Variants in BDP1 observed in about 807,000 individuals in gnomAD.
The protein encoded by BDP1 is transcription factor TFIIIB component B'' homolog.
A neutral mutation model predicts 266.6 loss-of-function variants in BDP1; 169 were observed. The observed-to-expected ratio is 0.63, with a 90% confidence interval of 0.56 to 0.72. BDP1 has a LOEUF of 0.72. Ranked by LOEUF, BDP1 falls within the 30% of genes least tolerant of loss-of-function variation. BDP1 has a pLI of 0.00. For missense variants in BDP1, 3,015 were observed against 3,053.8 expected, an observed-to-expected ratio of 0.99 and a Z score of 0.30; for synonymous variants, 1,090 against 1,022.4, an observed-to-expected ratio of 1.07 and a Z score of -1.26.
chr5:71,534,287 T>C (rs139393195), intron 26 of BDP1, among the ~76,000 whole-genome samples: 16 of 152,334 alleles, frequency 1.1e-4, no homozygotes, highest in African/African-American at 3.6e-4. Flanking sequence ...ATCCAACTTA[T>C]GTCTTTTGCA....
the BDP1 span, among the ~76,000 whole-genome samples, chr5:71,575,106 A>G: frequency 6.6e-6 from 1 of 152,210 alleles, no homozygotes; most frequent in African/African-American, 2.4e-5. Flanking sequence ...ACAGCTATCA[A>G]TTTATGGGGT....
intron 2 of BDP1, among the ~76,000 whole-genome samples, chr5:71,459,639 A>G (rs537522973): frequency 6.6e-6 from 1 of 152,226 alleles, no homozygotes; most frequent in South Asian, 2.1e-4. Context: ...AATCTTGAGG[A>G]TTGATTTCTT....
Position 71,512,271 on chromosome 5 carries a change from C to T in BDP1, c.4090C>T (p.His1364Tyr), listed in dbSNP as rs2150478414. Residue 1364 changes from histidine to tyrosine, a missense_variant, in exon 18 of 39, where the codon CAT becomes TAT. By Grantham distance (83) the His-to-Tyr change is moderately conservative. Transcript: ENST00000358731. Reference protein sequence around the residue: ...NISSEVLSMMHTPVEEKRNSE... With the variant: ...NISSEVLSMMYTPVEEKRNSE... ...TAGCAGTGAAGTACTGTCGATGATGCATACACCTGTAGAAGAAAAAAGAAA... is the reference window on the plus strand; with the variant it reads ...TAGCAGTGAAGTACTGTCGATGATGTATACACCTGTAGAAGAAAAAAGAAA... 1 of 1,571,816 alleles carries T rather than the reference C, an allele frequency of 6.4e-7. No homozygotes were observed. The highest frequency in any genetic ancestry group is 1.2e-5 in the South Asian group (1 of 81,578).
At chr5:71,531,793 G>T (rs186084379) in intron 25 of BDP1, among the ~76,000 whole-genome samples, 2 of 152,164 alleles carry the variant, frequency 1.3e-5, no homozygotes, top group African/African-American at 4.8e-5. Context: ...ACAGGCGTGA[G>T]CCACTGCGCC....
intron 34 of BDP1, among the ~76,000 whole-genome samples, chr5:71,550,089 G>A (rs1004232139): frequency 8.5e-5 from 13 of 152,162 alleles, no homozygotes; most frequent in African/African-American, 2.4e-4. Flanking sequence ...ACTCCTGGGC[G>A]CAAGAGATCC....
At chr5:71,514,562 A>G (rs916729492) in intron 19 of BDP1, among the ~76,000 whole-genome samples, 2 of 152,182 alleles carry the variant, frequency 1.3e-5, no homozygotes, top group Non-Finnish European at 2.9e-5. Flanking sequence ...TTCCACTTAC[A>G]GTATTGTGAG....
rs1429301338 is a variant in BDP1 at position 71,483,889 on chromosome 5, A to G, written c.1062A>G (p.Lys354=). The change falls in exon 8 of 39, where the codon AAA becomes AAG. Residue 354 remains lysine, a synonymous_variant. Transcript: ENST00000358731. ...EEKTNGWRID[K]AFQEKRPFDF... is the part of the protein sequence containing the mutation. ...AAACAAATGGATGGAGAATAGACAA[A>G]GCATTCCGTAAGTATTAAGACCTCT... The G allele has an allele frequency of 1.9e-6, 3 of 1,609,612 alleles. No individual in the cohort carries two copies. The highest frequency in any genetic ancestry group is 2.5e-6 in the Non-Finnish European group (3 of 1,176,548).
intron 30 of BDP1, among the ~76,000 whole-genome samples, chr5:71,542,688 T>C (rs977973903): frequency 9.3e-5 from 13 of 139,882 alleles, no homozygotes; most frequent in Admixed American, 1.4e-4. Flanking sequence ...CCCTGTCTCT[T>C]ATGAATTGAA....
rs1427507237 is a variant in BDP1 at position 71,464,061 on chromosome 5, T to C, written c.603T>C (p.Ser201=). The change falls in exon 4 of 39, where the codon TCT becomes TCC. Residue 201 remains serine, a synonymous_variant. Transcript: ENST00000358731. ...TATTGTTATTTATGTTCAATAGTTC[T>C]TCACTGGAACAAGAAAAGAAAACTG... The part of the protein sequence containing the change: ...YYLPDNNPMT[S]SLEQEKKTEK... 1.9e-6 allele frequency: 3 copies of C among 1,551,440 alleles called. No individual in the cohort carries two copies. The highest frequency in any genetic ancestry group is 1.2e-5 in the South Asian group (1 of 83,928).
intron 7 of BDP1, among the ~76,000 whole-genome samples, chr5:71,477,233 C>T (rs1369070757): frequency 1.3e-5 from 2 of 152,044 alleles, no homozygotes; most frequent in East Asian, 1.9e-4. Flanking sequence ...CCATAGCTCA[C>T]TGCCGCCATG....
intron 7 of BDP1, among the ~76,000 whole-genome samples, chr5:71,477,879 A>G (rs1013262221): frequency 1.2e-4 from 19 of 152,020 alleles, no homozygotes; most frequent in African/African-American, 4.6e-4. Context: ...TCAGCCTCCC[A>G]GAGTGCAGGG....
At chr5:71,525,653 C>T in intron 25 of BDP1, among the ~76,000 whole-genome samples, 1 of 125,752 alleles carries the variant, frequency 8.0e-6, no homozygotes, top group African/African-American at 2.9e-5. Flanking sequence ...CCCCCCACCT[C>T]CCTTCCGGAC....
intron 29 of BDP1, 62 bp from the exon 30 acceptor site, chr5:71,542,041 CTG>C (rs1766998234): frequency 1.5e-6 from 2 of 1,336,624 alleles, no homozygotes; most frequent in African/African-American, 1.5e-5. Flanking sequence ...GCTAGACAGA[CTG>C]TATTAATGTG....
chr5:71,518,390 A>G (rs1269595348), intron 22 of BDP1, among the ~76,000 whole-genome samples: 1 of 152,180 alleles, frequency 6.6e-6, no homozygotes, highest in Non-Finnish European at 1.5e-5. Flanking sequence ...AGGTGAAGCT[A>G]GAATTTGGGC....
At position 71,458,655 on chromosome 5, in the gene BDP1, C is replaced by T. The variant is rs751729367; in HGVS notation, c.289C>T (p.Arg97Ter). 1.7e-5 allele frequency: 28 copies of T among 1,613,132 alleles called. No homozygotes were observed. The highest frequency in any genetic ancestry group is 2.1e-5 in the Non-Finnish European group (25 of 1,179,342). ...CTCTACTGTTTCACAGAGAAGAAAG[C>T]GAATATCAAGTACTTCTAGCCTGGT... Reference protein sequence around the residue: ...SSSTVSQRRKRISSTSSLVKS... With the variant: ...SSSTVSQRRK The change falls in exon 2 of 39, where the codon CGA (arginine) becomes TGA (stop). Residue 97 changes from arginine to a stop codon, truncating the protein, a stop_gained. Coordinates refer to ENST00000358731, the MANE Select transcript of BDP1 (RefSeq NM_018429.3). LOFTEE classifies it high-confidence loss of function.
chr5:71,516,386 A>G, intron 21 of BDP1, 115 bp downstream of exon 21: 1 of 736,166 alleles, frequency 1.4e-6, no homozygotes, highest in Non-Finnish European at 2.1e-6. Context: ...CTCAATGAAT[A>G]CAGTTTCCAG....
chr5:71,464,807 C>T (rs1205780425), intron 4 of BDP1, among the ~76,000 whole-genome samples: 1 of 146,516 alleles, frequency 6.8e-6, no homozygotes, highest in African/African-American at 2.5e-5. Context: ...CAGCCTCTGC[C>T]TCCCGGGTTC....
intron 22 of BDP1, among the ~76,000 whole-genome samples, chr5:71,518,936 C>A (rs2150498032): frequency 6.9e-6 from 1 of 145,642 alleles, no homozygotes; most frequent in South Asian, 2.2e-4. Flanking sequence ...TCTTGTGCTT[C>A]AGCCTCCCGA....
chr5:71,536,758 A>T (rs1467833208), intron 26 of BDP1, among the ~76,000 whole-genome samples: 1 of 152,110 alleles, frequency 6.6e-6, no homozygotes, highest in Non-Finnish European at 1.5e-5. Context: ...TGGGCCCAGG[A>T]GGTTGAGGTT....
Sources: allele counts gnomAD v4.1 joint callset (sites outside exome capture counted in the v4.1 genomes callset), GRCh38; gene constraint gnomAD v4.1.1; transcripts MANE v1.5; gene names NCBI Gene and HGNC (gene_info 2026-07-23, HGNC 2026-07-21).